The following KCNH7 variants were observed in gnomAD, a reference collection of about 807,000 sequenced individuals.
KCNH7 encodes potassium voltage-gated channel subfamily H member 7, also known as voltage-gated inwardly rectifying potassium channel KCNH7.
In KCNH7, 49 loss-of-function variants were observed where a neutral mutation model predicts 120.8. The ratio of observed to expected loss-of-function variants is 0.41; its 90% confidence interval spans 0.32 to 0.51. The LOEUF (loss-of-function observed/expected upper bound fraction) is 0.51. Ranked by LOEUF, KCNH7 falls within the 20% of genes least tolerant of loss-of-function variation. The pLI, the probability that KCNH7 is intolerant of heterozygous loss-of-function variation, is 0.38. For missense variants in KCNH7, 1,097 were observed against 1,446.6 expected, an observed-to-expected ratio of 0.76 and a Z score of 3.92; for synonymous variants, 547 against 516.1, an observed-to-expected ratio of 1.06 and a Z score of -0.81.
intron 2 of KCNH7, among the ~76,000 whole-genome samples, chr2:162,577,348 CCTATCTAT>C (rs71009364): frequency 0.1 from 13,042 of 131,008 alleles, 714 homozygotes; most frequent in Non-Finnish European, 0.11. Flanking sequence ...ATCTATCCAT[CCTATCTAT>C]CTATCTATCT....
At chr2:162,787,029 G>A (rs1316159811) in intron 2 of KCNH7, among the ~76,000 whole-genome samples, 1 of 152,210 alleles carries the variant, frequency 6.6e-6, no homozygotes, top group Admixed American at 6.5e-5. Context: ...TTTAGCATGT[G>A]GGGAGAAGAA....
intron 2 of KCNH7, among the ~76,000 whole-genome samples, chr2:162,564,599 G>A (rs1323658563): frequency 6.6e-6 from 1 of 152,044 alleles, no homozygotes; most frequent in African/African-American, 2.4e-5. Context: ...ATTTATACAG[G>A]TTATTTTCCC....
intron 2 of KCNH7, among the ~76,000 whole-genome samples, chr2:162,669,762 C>T (rs935768625): frequency 1.3e-5 from 2 of 152,246 alleles, no homozygotes; most frequent in East Asian, 1.9e-4. Context: ...AGAATTGTCT[C>T]GTCCCAAATG....
At chr2:162,727,539 A>G (rs916114034) in intron 2 of KCNH7, among the ~76,000 whole-genome samples, 1 of 152,130 alleles carries the variant, frequency 6.6e-6, no homozygotes, top group African/African-American at 2.4e-5. Flanking sequence ...TTGTTACTAC[A>G]GTTTTACTTT....
chr2:162,550,190 C>G (rs1257427368), intron 2 of KCNH7, among the ~76,000 whole-genome samples: 1 of 152,106 alleles, frequency 6.6e-6, no homozygotes, highest in East Asian at 1.9e-4. Context: ...TGAACAAGCA[C>G]AAATATTTGG....
intron 2 of KCNH7, among the ~76,000 whole-genome samples, chr2:162,763,469 A>G (rs1402045717): frequency 6.6e-6 from 1 of 152,122 alleles, no homozygotes; most frequent in Middle Eastern, 3.2e-3. Flanking sequence ...CAAGTTACAC[A>G]GTGTGCTTCT....
intron 10 of KCNH7, among the ~76,000 whole-genome samples, chr2:162,399,606 T>C (rs1382034970): frequency 6.6e-6 from 1 of 151,890 alleles, no homozygotes; most frequent in African/African-American, 2.4e-5. Flanking sequence ...TGTTTTCTTT[T>C]GCACCCAAAC....
intron 2 of KCNH7, among the ~76,000 whole-genome samples, chr2:162,766,896 CACACACACATAA>C (rs1160943104): frequency 2.0e-4 from 29 of 148,382 alleles, no homozygotes; most frequent in African/African-American, 7.2e-4. Context: ...CACACACACA[CACACACACATAA>C]ACACACATCA....
At chr2:162,633,554 T>C (rs76350831) in intron 2 of KCNH7, among the ~76,000 whole-genome samples, 7,558 of 152,066 alleles carry the variant, frequency 0.05, 369 homozygotes, top group East Asian at 0.12. Flanking sequence ...CATCAGATAA[T>C]ATTTTCATCT....
intron 2 of KCNH7, among the ~76,000 whole-genome samples, chr2:162,573,043 A>G (rs527910567): frequency 6.6e-6 from 1 of 152,218 alleles, no homozygotes; most frequent in African/African-American, 2.4e-5. Context: ...AACTTAAAGT[A>G]TAATAATAAC....
intron 2 of KCNH7, among the ~76,000 whole-genome samples, chr2:162,791,810 A>G (rs1007609405): frequency 1.3e-5 from 2 of 152,064 alleles, no homozygotes; most frequent in Non-Finnish European, 2.9e-5. Context: ...AGGACTTCCA[A>G]TGCTATGTTG....
At chr2:162,715,367 C>T (rs188503131) in intron 2 of KCNH7, among the ~76,000 whole-genome samples, 38 of 152,156 alleles carry the variant, frequency 2.5e-4, no homozygotes, top group African/African-American at 8.9e-4. Flanking sequence ...TATAAGCGAC[C>T]CACCCCCATG....
chr2:162,613,520 C>T (rs1352138695), intron 2 of KCNH7, among the ~76,000 whole-genome samples: 2 of 151,932 alleles, frequency 1.3e-5, no homozygotes, highest in Non-Finnish European at 2.9e-5. Context: ...GTTATTTAAG[C>T]TTTTCATCAA....
intron 2 of KCNH7, among the ~76,000 whole-genome samples, chr2:162,833,007 A>T (rs911720786): frequency 2.1e-5 from 3 of 144,308 alleles, no homozygotes; most frequent in African/African-American, 7.5e-5. Flanking sequence ...AATTGCTACC[A>T]TAGTGTGTAT....
intron 5 of KCNH7, among the ~76,000 whole-genome samples, chr2:162,510,186 A>G (rs1475821946): frequency 2.6e-5 from 4 of 151,682 alleles, no homozygotes; most frequent in Admixed American, 1.3e-4. Context: ...TTACATTTTT[A>G]ACAAAGAACT....
chr2:162,503,203 T>C (rs971286169), intron 6 of KCNH7, among the ~76,000 whole-genome samples: 1 of 152,034 alleles, frequency 6.6e-6, no homozygotes, highest in African/African-American at 2.4e-5. Context: ...ATTTCCAACT[T>C]TTCTTCTGTC....
chr2:162,594,785 T>C (rs1339021581), intron 2 of KCNH7, among the ~76,000 whole-genome samples: 1 of 152,022 alleles, frequency 6.6e-6, no homozygotes, highest in African/African-American at 2.4e-5. Context: ...GGAGGATATA[T>C]ATAGGTTATA....
At chr2:162,574,198 C>T (rs1325463681) in intron 2 of KCNH7, among the ~76,000 whole-genome samples, 1 of 152,030 alleles carries the variant, frequency 6.6e-6, no homozygotes, top group Non-Finnish European at 1.5e-5. Flanking sequence ...AAAGTACATA[C>T]TGTGCACTGA....
At chr2:162,678,093 A>T (rs1315649394) in intron 2 of KCNH7, among the ~76,000 whole-genome samples, 1 of 151,396 alleles carries the variant, frequency 6.6e-6, no homozygotes, top group African/African-American at 2.4e-5. Flanking sequence ...ATATGTGTAG[A>T]TGTATGTACA....
Sources: allele counts gnomAD v4.1 joint callset (sites outside exome capture counted in the v4.1 genomes callset), GRCh38; gene constraint gnomAD v4.1.1; transcripts MANE v1.5; gene names NCBI Gene and HGNC (gene_info 2026-07-23, HGNC 2026-07-21).